The following DPP6 variants were observed in gnomAD, a reference collection of about 807,000 sequenced individuals.
DPP6 encodes dipeptidyl peptidase like 6, also known as A-type potassium channel modulatory protein DPP6.
In DPP6, 69 loss-of-function variants were observed where a neutral mutation model predicts 122.6. The observed-to-expected ratio is 0.56, with a 90% CI of 0.46 to 0.69. The LOEUF is 0.69. Among genes scored for constraint, DPP6 ranks in the 30% least tolerant of loss-of-function variants. The probability of loss-of-function intolerance (pLI) is 0.00; values close to 1 mark genes in which losing one functional copy is unlikely to be tolerated. For synonymous variants in DPP6, 418 were observed against 433.1 expected, an observed-to-expected ratio of 0.97 and a Z score of 0.43; for missense variants, 928 against 1,116.9, an observed-to-expected ratio of 0.83 and a Z score of 2.41.
chr7:154,628,460 G>A (rs1303068733), intron 5 of DPP6, among the ~76,000 whole-genome samples: 12 of 152,226 alleles, frequency 7.9e-5, no homozygotes, highest in African/African-American at 2.6e-4. Context: ...AGCCAACCTG[G>A]TCATCTTCTC....
At chr7:154,541,285 C>T (rs926567591) in intron 4 of DPP6, among the ~76,000 whole-genome samples, 3 of 152,066 alleles carry the variant, frequency 2.0e-5, no homozygotes, top group East Asian at 1.9e-4. Flanking sequence ...CGTGTGCCGC[C>T]GTGCCCAGCT....
the DPP6 span, among the ~76,000 whole-genome samples, chr7:153,877,317 C>T: frequency 0.026 from 3,967 of 152,064 alleles, 148 homozygotes; most frequent in African/African-American, 0.09. Flanking sequence ...TATCTATTTT[C>T]AAATTTCTTA....
chr7:153,819,098 T>C, the DPP6 span, among the ~76,000 whole-genome samples: 1 of 107,716 alleles, frequency 9.3e-6, no homozygotes, highest in African/African-American at 3.6e-5. Context: ...TTTTTTAACT[T>C]TTAAGCTCAG....
rs547088014 is a variant in DPP6, at chr7:154,817,144, A to G, written c.1666+10032A>G. Among the ~76,000 whole-genome samples the G allele has an allele frequency of 3.9e-5, 6 of 152,304 alleles. No homozygotes were observed. The East Asian group carries it at 9.6e-4, about 24-fold the overall frequency. ...CCATTAAGGTGTCCTGCAAATATGT[A>G]TACTAAGGTGCTTGTTATTCTTCCC... On this transcript the variant is annotated intron_variant, in intron 16 of 25. Coordinates refer to ENST00000377770, the MANE Select transcript of DPP6 (RefSeq NM_130797.4).
chr7:154,398,655 A>G (rs1217803263), intron 1 of DPP6, among the ~76,000 whole-genome samples: 2 of 152,028 alleles, frequency 1.3e-5, no homozygotes, highest in Non-Finnish European at 2.9e-5. Context: ...TTCATTTTGC[A>G]AAGTGAAACA....
intron 1 of DPP6, among the ~76,000 whole-genome samples, chr7:154,102,560 C>G (rs1475678645): frequency 6.6e-6 from 1 of 152,158 alleles, no homozygotes; most frequent in Non-Finnish European, 1.5e-5. Flanking sequence ...CCACTTCATT[C>G]TTCCATGTGC....
intron 5 of DPP6, among the ~76,000 whole-genome samples, chr7:154,633,599 C>CT (rs772919963): frequency 3.3e-5 from 5 of 152,196 alleles, no homozygotes; most frequent in Non-Finnish European, 7.3e-5. Context: ...AAGAAAAAGA[C>CT]TTTATCTCTC....
chr7:153,987,006 G>A (rs1796879560), intron 1 of DPP6, among the ~76,000 whole-genome samples: 5 of 152,170 alleles, frequency 3.3e-5, no homozygotes, highest in African/African-American at 9.7e-5. Context: ...TCCAGAGTAA[G>A]GTTAGTTCGG....
At position 153,914,135 on chromosome 7, in the gene DPP6, C is replaced by T. The variant is rs570226118; in HGVS notation, c.51+26401C>T. On this transcript the variant is annotated intron_variant, in intron 1 of 25. Coordinates refer to the DPP6 transcript ENST00000404039. ...ATCATGGGGGTGGGTCTTTCCCATG[C>T]TGTTCTCGTCATACTGAATAAGTCC... Among the ~76,000 whole-genome samples, 199 of 152,232 alleles carry T rather than the reference C, an allele frequency of 1.3e-3. 1 individual carries two copies. Among genetic ancestry groups the T allele is most frequent in the Middle Eastern group, 6.8e-3 (2 of 294 alleles).
At chr7:154,389,950 C>A (rs919878340) in intron 1 of DPP6, among the ~76,000 whole-genome samples, 1 of 152,180 alleles carries the variant, frequency 6.6e-6, no homozygotes, top group Non-Finnish European at 1.5e-5. Flanking sequence ...TACAAATATG[C>A]GGGTTTGCAA....
chr7:154,469,822 T>A (rs528739302), intron 2 of DPP6, among the ~76,000 whole-genome samples: 2 of 152,234 alleles, frequency 1.3e-5, no homozygotes, highest in Non-Finnish European at 2.9e-5. Flanking sequence ...TCAATAAATA[T>A]GCTGGCAGAA....
chr7:154,023,636 C>A (rs1255644796), intron 1 of DPP6, among the ~76,000 whole-genome samples: 3 of 151,662 alleles, frequency 2.0e-5, no homozygotes, highest in Non-Finnish European at 4.4e-5. Flanking sequence ...TGCCTACCAC[C>A]ATGCTCGGCT....
At position 154,033,397 on chromosome 7, in the gene DPP6, G is replaced by A. The variant is rs540233929; in HGVS notation, c.51+145663G>A. 3.0e-4 allele frequency among the ~76,000 whole-genome samples: 46 copies of A among 152,278 alleles called. 1 individual carries two copies. In the South Asian group the frequency reaches 8.5e-3, roughly 28 times the overall value. ...TGAACTCTGGGGAGAAGACACTTGC[G>A]TTCTGAGGCTGTTTCTCTGTCTCTA... On this transcript the variant is annotated intron_variant, in intron 1 of 25. Coordinates refer to the DPP6 transcript ENST00000404039.
At chr7:153,780,724 G>A in the DPP6 span, among the ~76,000 whole-genome samples, 6 of 152,158 alleles carry the variant, frequency 3.9e-5, no homozygotes, top group African/African-American at 1.4e-4. Flanking sequence ...CTGCTGGTAA[G>A]AAGAATGGAG....
chr7:154,382,057 C>A (rs888702688), intron 1 of DPP6, among the ~76,000 whole-genome samples: 2 of 133,352 alleles, frequency 1.5e-5, no homozygotes, highest in African/African-American at 2.9e-5. Context: ...CTTTCAGAAA[C>A]CCCCCTTTTT....
chr7:153,956,213 G>C lies in DPP6; in HGVS notation c.51+68479G>C, dbSNP rs1802455296. On this transcript the variant is annotated intron_variant, in intron 1 of 25. Transcript: ENST00000404039. ...CTTAGATGTGGGCAGGTGGGGGCTG[G>C]TCCAGTCCATGCTGCTCAGACCCCA... is the stretch of plus-strand genomic sequence containing the variant. Among the ~76,000 whole-genome samples the C allele has an allele frequency of 2.0e-5, 3 of 152,204 alleles. No individual in the cohort carries two copies. The South Asian group carries it at 6.2e-4, about 32-fold the overall frequency.
intron 1 of DPP6, among the ~76,000 whole-genome samples, chr7:154,445,927 A>C (rs887981356): frequency 5.3e-5 from 8 of 152,186 alleles, no homozygotes; most frequent in African/African-American, 9.7e-5. Flanking sequence ...TATTGGGAGG[A>C]GGAGCATTAG....
intron 8 of DPP6, among the ~76,000 whole-genome samples, chr7:154,752,558 G>C (rs972720628): frequency 6.6e-6 from 1 of 152,198 alleles, no homozygotes; most frequent in Admixed American, 6.5e-5. Flanking sequence ...CAGGAAGCTT[G>C]GAGAGGCTGC....
intron 1 of DPP6, among the ~76,000 whole-genome samples, chr7:154,442,832 C>T (rs1819505394): frequency 6.6e-6 from 1 of 152,140 alleles, no homozygotes; most frequent in Admixed American, 6.5e-5. Context: ...CCAGCATACC[C>T]ACCACTGCCA....
Sources: allele counts gnomAD v4.1 joint callset (sites outside exome capture counted in the v4.1 genomes callset), GRCh38; gene constraint gnomAD v4.1.1; transcripts MANE v1.5; gene names NCBI Gene and HGNC (gene_info 2026-07-23, HGNC 2026-07-21).